Variants in RIMS2 observed in about 807,000 individuals in gnomAD.
RIMS2 encodes regulating synaptic membrane exocytosis protein 2.
Under a neutral mutation model 174.4 loss-of-function variants are expected in RIMS2, and 59 were observed. The observed-to-expected ratio is 0.34, with a 90% CI of 0.27 to 0.42. RIMS2 has a LOEUF of 0.42. RIMS2 is among the 10% of genes least tolerant of loss of function. RIMS2 has a pLI of 1.00. For missense variants in RIMS2, 1,620 were observed against 1,666.3 expected, an observed-to-expected ratio of 0.97 and a Z score of 0.48; for synonymous variants, 606 against 572.5, an observed-to-expected ratio of 1.06 and a Z score of -0.84.
intron 19 of RIMS2, among the ~76,000 whole-genome samples, chr8:104,145,924 T>C (rs2098634791): frequency 6.6e-6 from 1 of 151,674 alleles, no homozygotes; most frequent in South Asian, 2.1e-4. Flanking sequence ...TTTTAGATGA[T>C]ATCCAGTGAA....
chr8:103,509,682 T>G (rs368616239), intron 1 of RIMS2, among the ~76,000 whole-genome samples: 1 of 151,974 alleles, frequency 6.6e-6, no homozygotes, highest in Non-Finnish European at 1.5e-5. Context: ...GAAATAGGAA[T>G]TGAGGTAGAG....
intron 1 of RIMS2, among the ~76,000 whole-genome samples, chr8:103,563,745 A>T (rs1244286707): frequency 6.6e-6 from 1 of 152,168 alleles, no homozygotes; most frequent in Non-Finnish European, 1.5e-5. Flanking sequence ...ACCCAAGACT[A>T]GGCAATATAC....
At chr8:103,884,836 A>G (rs2099190298) in intron 3 of RIMS2, among the ~76,000 whole-genome samples, 1 of 151,882 alleles carries the variant, frequency 6.6e-6, no homozygotes, top group Admixed American at 6.6e-5. Flanking sequence ...CCAGCACTTA[A>G]TTTTAGTCAG....
chr8:103,638,519 G>C (rs2096145074), intron 1 of RIMS2, among the ~76,000 whole-genome samples: 1 of 151,894 alleles, frequency 6.6e-6, no homozygotes. Flanking sequence ...TTTATTTCTT[G>C]AGGGAGCATT....
At chr8:103,766,280 A>T in exon 3 of RIMS2, 3 of 1,613,656 alleles carry the variant, frequency 1.9e-6, no homozygotes, top group Non-Finnish European at 2.5e-6. Context: ...TCACTAAATC[A>T]GGAGCATGGT....
chr8:103,751,856 C>G (rs2139756716), intron 2 of RIMS2, among the ~76,000 whole-genome samples: 1 of 151,828 alleles, frequency 6.6e-6, no homozygotes, highest in South Asian at 2.1e-4. Flanking sequence ...AGCCCTTTGT[C>G]AGATGAGTAG....
At chr8:104,229,325 T>C (rs377590637) in intron 19 of RIMS2, among the ~76,000 whole-genome samples, 1 of 152,136 alleles carries the variant, frequency 6.6e-6, no homozygotes, top group African/African-American at 2.4e-5. Flanking sequence ...CATATTGAAA[T>C]GTTTTTGATT....
intron 3 of RIMS2, among the ~76,000 whole-genome samples, chr8:103,810,235 A>T (rs1042143357): frequency 3.3e-5 from 5 of 152,138 alleles, no homozygotes; most frequent in African/African-American, 9.7e-5. Context: ...CTCTAAGCTG[A>T]GCCTCCTTAG....
At chr8:103,608,389 C>T (rs1320141930) in intron 1 of RIMS2, among the ~76,000 whole-genome samples, 7 of 144,148 alleles carry the variant, frequency 4.9e-5, no homozygotes, top group African/African-American at 8.0e-5. Context: ...CCACTGCTCT[C>T]TTCAAAGCTG....
intron 3 of RIMS2, among the ~76,000 whole-genome samples, chr8:103,790,334 C>G (rs2098485110): frequency 6.6e-6 from 1 of 152,160 alleles, no homozygotes; most frequent in Non-Finnish European, 1.5e-5. Context: ...CTGGACATTT[C>G]ATAAAAATAG....
At chr8:103,777,808 T>C (rs16870699) in intron 3 of RIMS2, among the ~76,000 whole-genome samples, 4,762 of 152,048 alleles carry the variant, frequency 0.031, 221 homozygotes, top group African/African-American at 0.11. Context: ...AATTGATTTG[T>C]GGACCATAAA....
At chr8:103,895,285 T>C (rs2099271153) in intron 4 of RIMS2, among the ~76,000 whole-genome samples, 1 of 151,374 alleles carries the variant, frequency 6.6e-6, no homozygotes, top group South Asian at 2.1e-4. Context: ...CAGGCTACTA[T>C]ACCAAATTAC....
chr8:103,847,284 A>G (rs920145361), intron 3 of RIMS2, among the ~76,000 whole-genome samples: 1 of 152,072 alleles, frequency 6.6e-6, no homozygotes, highest in Non-Finnish European at 1.5e-5. Context: ...TATCGGGGGC[A>G]TAGCAGCTTA....
intron 19 of RIMS2, among the ~76,000 whole-genome samples, chr8:104,147,809 C>T (rs1367869487): frequency 1.3e-5 from 2 of 152,306 alleles, no homozygotes; most frequent in Admixed American, 1.3e-4. Flanking sequence ...CCCCAGAAAT[C>T]GTGGAAAAAT....
intron 16 of RIMS2, among the ~76,000 whole-genome samples, chr8:103,981,861 A>G (rs1455446576): frequency 2.0e-5 from 3 of 152,148 alleles, no homozygotes; most frequent in Admixed American, 2.0e-4. Flanking sequence ...AATAAAAAAC[A>G]GTGAAGCACA....
chr8:103,886,053 C>G lies in RIMS2; in HGVS notation c.1454C>G (p.Ser485Ter). Reference sequence around the variant, plus strand: ...ATGTTAAGGAATGATTCTCTCAGTTCAGACCAGTCAGAGTCAGTGAGACCT... The same window carrying G: ...ATGTTAAGGAATGATTCTCTCAGTTGAGACCAGTCAGAGTCAGTGAGACCT... The change falls in exon 4 of 24, where the codon TCA becomes TGA. Residue 485 changes from serine to a stop codon, truncating the protein, a stop_gained. Coordinates refer to ENST00000504942, the Ensembl canonical transcript of RIMS2. LOFTEE classifies it high-confidence loss of function. The G allele has an allele frequency of 6.2e-7, 1 of 1,613,022 alleles. No individual in the cohort carries two copies. The highest frequency in any genetic ancestry group is 8.5e-7 in the Non-Finnish European group (1 of 1,179,416).
At chr8:103,664,557 A>G (rs1043328307) in intron 1 of RIMS2, among the ~76,000 whole-genome samples, 1 of 152,260 alleles carries the variant, frequency 6.6e-6, no homozygotes, top group African/African-American at 2.4e-5. Flanking sequence ...AGGGAAAAGC[A>G]AATCAAAACC....
At chr8:104,203,050 T>C (rs1011370775) in intron 19 of RIMS2, among the ~76,000 whole-genome samples, 11 of 152,260 alleles carry the variant, frequency 7.2e-5, no homozygotes, top group African/African-American at 2.6e-4. Flanking sequence ...CAGATTATAC[T>C]AGTACTTTCT....
In RIMS2 at chr8:103,964,569, C is replaced by T. The variant is rs145641210; in HGVS notation, c.2770+3436C>T. Among the ~76,000 whole-genome samples the T allele has an allele frequency of 3.3e-5, 5 of 152,058 alleles. No individual in the cohort carries two copies. In the East Asian group the frequency reaches 9.7e-4, roughly 29 times the overall value. On this transcript the variant is annotated intron_variant, in intron 15 of 23. Coordinates refer to ENST00000504942, the Ensembl canonical transcript of RIMS2. The stretch of plus-strand genomic sequence containing the variant: ...TCTCTGTATATTTTGGACAACAGTC[C>T]TTTATAAAATGTGTCTTTTACACAT...
Sources: allele counts gnomAD v4.1 joint callset (sites outside exome capture counted in the v4.1 genomes callset), GRCh38; gene constraint gnomAD v4.1.1; transcripts MANE v1.5; gene names NCBI Gene and HGNC (gene_info 2026-07-23, HGNC 2026-07-21).